The following CSNK2A2IP variants were observed in gnomAD, a reference collection of about 807,000 sequenced individuals.
CSNK2A2IP encodes casein kinase II subunit alpha'-interacting protein.
chr3:88,396,317 G>A, the CSNK2A2IP span, among the ~76,000 whole-genome samples: 15 of 151,852 alleles, frequency 9.9e-5, no homozygotes, highest in African/African-American at 3.6e-4. Flanking sequence ...GTGTTAGCCA[G>A]GATGGTCTCG....
At chr3:88,399,387 A>C in the CSNK2A2IP span, among the ~76,000 whole-genome samples, 1 of 152,194 alleles carries the variant, frequency 6.6e-6, no homozygotes, top group East Asian at 1.9e-4. Flanking sequence ...GTGATTATCC[A>C]GGATCAGTTG....
chr3:88,338,894 AT>A, the CSNK2A2IP span, among the ~76,000 whole-genome samples: 1 of 151,974 alleles, frequency 6.6e-6, no homozygotes, highest in South Asian at 2.1e-4. Flanking sequence ...CTTATGCTTT[AT>A]TTATTTTTTT....
chr3:88,407,377 AAT>A, the CSNK2A2IP span, among the ~76,000 whole-genome samples: 1 of 151,704 alleles, frequency 6.6e-6, no homozygotes, highest in African/African-American at 2.4e-5. Context: ...TAAATGTGTG[AAT>A]ATGTTTTTAT....
At chr3:88,458,954 G>T in the CSNK2A2IP span, among the ~76,000 whole-genome samples, 8 of 152,084 alleles carry the variant, frequency 5.3e-5, no homozygotes, top group African/African-American at 1.9e-4. Context: ...GAACAATTTG[G>T]AGTTGAATAT....
the CSNK2A2IP span, among the ~76,000 whole-genome samples, chr3:88,440,165 T>G: frequency 6.6e-6 from 1 of 152,214 alleles, no homozygotes; most frequent in Non-Finnish European, 1.5e-5. Flanking sequence ...TATTGAACAT[T>G]TGTAAAATTT....
chr3:88,376,910 G>A, the CSNK2A2IP span, among the ~76,000 whole-genome samples: 1 of 151,432 alleles, frequency 6.6e-6, no homozygotes, highest in African/African-American at 2.4e-5. Flanking sequence ...TTTCTTTTTT[G>A]CAACTCTTTT....
At chr3:88,396,963 G>A in the CSNK2A2IP span, among the ~76,000 whole-genome samples, 1 of 152,156 alleles carries the variant, frequency 6.6e-6, no homozygotes, top group Non-Finnish European at 1.5e-5. Context: ...GTGATAGCTT[G>A]AATATGGCAG....
chr3:88,364,919 A>G, the CSNK2A2IP span, among the ~76,000 whole-genome samples: 3 of 152,088 alleles, frequency 2.0e-5, no homozygotes, highest in African/African-American at 7.2e-5. Context: ...CCACACCTAC[A>G]CTCTGCTAAC....
chr3:88,400,176 A>G, the CSNK2A2IP span, among the ~76,000 whole-genome samples: 5 of 152,118 alleles, frequency 3.3e-5, no homozygotes, highest in Admixed American at 6.6e-5. Context: ...ACTTCAGAGA[A>G]ATGTTAGTTT....
At chr3:88,440,218 G>A in the CSNK2A2IP span, among the ~76,000 whole-genome samples, 77 of 152,142 alleles carry the variant, frequency 5.1e-4, no homozygotes, top group East Asian at 0.011. Context: ...TTTTAGTTTA[G>A]GGATACGAAT....
chr3:88,452,413 C>G, the CSNK2A2IP span, among the ~76,000 whole-genome samples: 1 of 152,058 alleles, frequency 6.6e-6, no homozygotes, highest in Non-Finnish European at 1.5e-5. Flanking sequence ...CAAAGCGTGG[C>G]CAAGTTAGGC....
the CSNK2A2IP span, among the ~76,000 whole-genome samples, chr3:88,429,499 C>G: frequency 6.6e-6 from 1 of 152,124 alleles, no homozygotes; most frequent in East Asian, 1.9e-4. Flanking sequence ...TCTACACTGA[C>G]TTTAATTTAG....
the CSNK2A2IP span, among the ~76,000 whole-genome samples, chr3:88,361,954 C>T: frequency 6.6e-6 from 1 of 152,030 alleles, no homozygotes; most frequent in South Asian, 2.1e-4. Context: ...TTATTTCAAT[C>T]TCTGTTTTAA....
At chr3:88,382,793 G>T in the CSNK2A2IP span, 4 of 152,192 alleles carry the variant, frequency 2.6e-5, no homozygotes, top group African/African-American at 9.7e-5. Context: ...TACCCAAGAA[G>T]TATGATATCA....
the CSNK2A2IP span, among the ~76,000 whole-genome samples, chr3:88,366,130 C>T: frequency 6.6e-6 from 1 of 152,126 alleles, no homozygotes; most frequent in Non-Finnish European, 1.5e-5. Flanking sequence ...GGTTTTCCTG[C>T]TCTGTAGCAT....
chr3:88,420,567 A>G, the CSNK2A2IP span, among the ~76,000 whole-genome samples: 1 of 152,198 alleles, frequency 6.6e-6, no homozygotes, highest in Non-Finnish European at 1.5e-5. Flanking sequence ...TAAGATTAAC[A>G]TTTATATGAT....
the CSNK2A2IP span, among the ~76,000 whole-genome samples, chr3:88,385,122 G>C: frequency 6.6e-6 from 1 of 152,182 alleles, no homozygotes; most frequent in African/African-American, 2.4e-5. Context: ...CCTTGGGAGA[G>C]AGTATAAGAC....
the CSNK2A2IP span, among the ~76,000 whole-genome samples, chr3:88,443,892 A>T: frequency 1.5e-4 from 1 of 6,514 alleles, no homozygotes; most frequent in African/African-American, 2.3e-4. Flanking sequence ...TTAGAGTAAT[A>T]AAAAAAAAAA....
the CSNK2A2IP span, among the ~76,000 whole-genome samples, chr3:88,447,279 G>C: frequency 6.6e-6 from 1 of 152,262 alleles, no homozygotes; most frequent in South Asian, 2.1e-4. Context: ...CCATGGGATA[G>C]AGGGAAGCAA....
Sources: allele counts gnomAD v4.1 joint callset (sites outside exome capture counted in the v4.1 genomes callset), GRCh38; gene constraint gnomAD v4.1.1; transcripts MANE v1.5; gene names NCBI Gene and HGNC (gene_info 2026-07-23, HGNC 2026-07-21).